DPYSL5: variants seen among roughly 807,000 people sequenced by gnomAD.
The protein encoded by DPYSL5 is dihydropyrimidinase like 5.
DPYSL5 carries 9 observed loss-of-function variants against 58.4 expected under a neutral mutation model. The observed-to-expected ratio is 0.15, with a 90% CI of 0.09 to 0.27. The LOEUF (loss-of-function observed/expected upper bound fraction) is 0.27. Among genes scored for constraint, DPYSL5 ranks in the 10% least tolerant of loss-of-function variants. The pLI is 1.00. For missense variants in DPYSL5, 499 were observed against 770.6 expected (o/e 0.65, Z 4.17); for synonymous variants, 293 against 301.9 (o/e 0.97, Z 0.31).
intron 6 of DPYSL5, among the ~76,000 whole-genome samples, chr2:26,932,133 GAAAGAGAAAGAAAGAAAGAA>G (rs1380283543): frequency 2.6e-5 from 3 of 114,800 alleles, no homozygotes; most frequent in African/African-American, 1.1e-4. Context: ...GAGAAAGAAA[GAAAGAGAAAGAAAGAAAGAA>G]AGAAAGAAAG....
chr2:26,947,996 G>A lies in DPYSL5; in HGVS notation c.*1001G>A, dbSNP rs1012309842. ...AGCCCCAGAGATGCCAGCCCTTCAG[G>A]AAGCAGGTGTCCTTTCCCCTCTCTG... is the stretch of plus-strand genomic sequence containing the variant. On this transcript the variant is annotated 3_prime_UTR_variant, in exon 13 of 13. Transcript: ENST00000288699. This position sits in a 1 kb window ranked among gnomAD's most constrained non-coding sequence, Gnocchi z 4.2. 3 of 152,264 alleles carry A rather than the reference G, an allele frequency of 2.0e-5. No individual in the cohort carries two copies. The highest frequency in any genetic ancestry group is 1.3e-4 in the Admixed American group (2 of 15,240). The allele number at this position is 152,264 out of a possible 1,614,324, so 9.4% of individuals were successfully genotyped here.
At position 26,927,708 on chromosome 2, in the gene DPYSL5, A is replaced by G. The variant is rs766939604; in HGVS notation, c.600+276A>G. ...AATGATATGAGATTTAAATTCCATT[A>G]TAGCAGAGAATTTGGAGCACCTCTC... On this transcript the variant is annotated intron_variant, in intron 4 of 12. Transcript: ENST00000288699. This position sits in a 1 kb window ranked among gnomAD's most constrained non-coding sequence, Gnocchi z 4.3. Among the ~76,000 whole-genome samples, 1 of 152,252 alleles carries G rather than the reference A, an allele frequency of 6.6e-6. No homozygotes were observed. Among genetic ancestry groups the G allele is most frequent in the Non-Finnish European group, 1.5e-5 (1 of 68,046 alleles).
intron 1 of DPYSL5, among the ~76,000 whole-genome samples, chr2:26,871,808 A>G (rs1043767739): frequency 6.6e-6 from 1 of 152,220 alleles, no homozygotes; most frequent in Non-Finnish European, 1.5e-5. Context: ...TTTGAAATTT[A>G]CTTAAATTTA....
intron 1 of DPYSL5, among the ~76,000 whole-genome samples, chr2:26,856,051 T>G (rs1400012372): frequency 6.6e-6 from 1 of 152,136 alleles, no homozygotes; most frequent in Non-Finnish European, 1.5e-5. Context: ...CAGTCACTTT[T>G]GGGGGGTACA....
At chr2:26,857,454 C>A (rs1293893105) in intron 1 of DPYSL5, among the ~76,000 whole-genome samples, 1 of 151,920 alleles carries the variant, frequency 6.6e-6, no homozygotes. Context: ...GCAGGAGAAT[C>A]GCTTGAACCC....
chr2:26,895,869 C>G (rs1471156101), intron 1 of DPYSL5, among the ~76,000 whole-genome samples: 1 of 150,286 alleles, frequency 6.7e-6, no homozygotes. Flanking sequence ...CAACCTCTGC[C>G]TCCCCGGTTT....
chr2:26,851,919 C>T (rs1366087306), intron 1 of DPYSL5, among the ~76,000 whole-genome samples: 1 of 151,994 alleles, frequency 6.6e-6, no homozygotes, highest in Non-Finnish European at 1.5e-5. Flanking sequence ...TGCACTCCAG[C>T]CTGGGCAACA....
At chr2:26,873,064 G>T (rs1397732425) in intron 1 of DPYSL5, among the ~76,000 whole-genome samples, 2 of 151,930 alleles carry the variant, frequency 1.3e-5, no homozygotes, top group African/African-American at 4.8e-5. Flanking sequence ...TTCCCCTTTT[G>T]TTTGAACTGC....
At position 26,942,523 on chromosome 2, in the gene DPYSL5, C is replaced by G. The variant is rs1175505569; in HGVS notation, c.1233-20C>G. 3.1e-6 allele frequency: 5 copies of G among 1,609,130 alleles called. No homozygotes were observed. In the South Asian group the frequency reaches 5.5e-5, roughly 18 times the overall value. On this transcript the variant is annotated intron_variant, in intron 10 of 12. Coordinates refer to ENST00000288699, the MANE Select transcript of DPYSL5 (RefSeq NM_020134.4). The surrounding 1 kb of genome is among the most constrained non-coding windows in gnomAD (Gnocchi z 5.9). ...GACCTGTCCTCAGCGCTTTCTCTCCCGCCATTGCCTCCCCACCAGGACCAT... is the reference window on the plus strand; with the variant it reads ...GACCTGTCCTCAGCGCTTTCTCTCCGGCCATTGCCTCCCCACCAGGACCAT...
At chr2:26,891,846 TA>T (rs1663887939) in intron 1 of DPYSL5, among the ~76,000 whole-genome samples, 1 of 152,076 alleles carries the variant, frequency 6.6e-6, no homozygotes, top group East Asian at 1.9e-4. Context: ...CTAATTTTTG[TA>T]ATTTTAGTAG....
chr2:26,894,007 T>A (rs1267848868), intron 1 of DPYSL5, among the ~76,000 whole-genome samples: 1 of 150,348 alleles, frequency 6.7e-6, no homozygotes, highest in African/African-American at 2.4e-5. Flanking sequence ...TCCTTATTAT[T>A]ATTATAAATC....
intron 2 of DPYSL5, among the ~76,000 whole-genome samples, chr2:26,913,030 A>G (rs983987671): frequency 6.6e-6 from 1 of 152,254 alleles, no homozygotes; most frequent in African/African-American, 2.4e-5. Flanking sequence ...TATCTGTAAA[A>G]TGAGAGGAGT....
chr2:26,919,786 T>C (rs985854882), intron 2 of DPYSL5, among the ~76,000 whole-genome samples: 2 of 152,226 alleles, frequency 1.3e-5, no homozygotes, highest in African/African-American at 2.4e-5. Flanking sequence ...TTCCTGGCAG[T>C]GTCCACCTAG....
At chr2:26,932,898 C>T (rs78410074) in intron 6 of DPYSL5, among the ~76,000 whole-genome samples, 4 of 152,182 alleles carry the variant, frequency 2.6e-5, no homozygotes, top group African/African-American at 9.7e-5. Flanking sequence ...TAGGTCATCA[C>T]GTTTATGAAC....
Position 26,928,704 on chromosome 2 carries a change from T to TACACACACACACACACAC in DPYSL5, c.669+394_669+395insCACACACACACACACACA, listed in dbSNP as rs1553320464. ...GTGATAGAGTATATATATATATATATACACACACACACATACATATATATA... is the reference window on the plus strand; with the variant it reads ...GTGATAGAGTATATATATATATATATACACACACACACACACACACACACACACACATACATATATATA... On this transcript the variant is annotated intron_variant, in intron 5 of 12. Coordinates refer to ENST00000288699, the MANE Select transcript of DPYSL5 (RefSeq NM_020134.4). Among the ~76,000 whole-genome samples, 25 of 62,978 alleles carry TACACACACACACACACAC rather than the reference T, an allele frequency of 4.0e-4. 1 individual carries two copies. The highest frequency in any genetic ancestry group is 5.7e-4 in the African/African-American group (9 of 15,882). The allele number at this position is 62,978 out of a possible 152,430, so 41.3% of individuals were successfully genotyped here. A position where few individuals can be genotyped will look rare whatever the true frequency, so the allele number is the denominator to read the frequency against.
At chr2:26,848,749 C>A (rs1413074624) in intron 1 of DPYSL5, among the ~76,000 whole-genome samples, 1 of 152,240 alleles carries the variant, frequency 6.6e-6, no homozygotes, top group Non-Finnish European at 1.5e-5. Context: ...GAGCTGGGAT[C>A]TGCCCAGCCT....
rs1164587515 is a variant in DPYSL5, at chr2:26,942,675, C to G, written c.1365C>G (p.Ala455=). 6.2e-7 allele frequency: 1 copy of G among 1,614,022 alleles called. No individual in the cohort carries two copies. The highest frequency in any genetic ancestry group is 8.5e-7 in the Non-Finnish European group (1 of 1,180,026). The change falls in exon 11 of 13, where the codon GCC becomes GCG. Residue 455 remains alanine (A), a synonymous_variant. Coordinates refer to ENST00000288699, the MANE Select transcript of DPYSL5 (RefSeq NM_020134.4). The surrounding 1 kb of genome is among the most constrained non-coding windows in gnomAD (Gnocchi z 5.9). ...ATGAGAACGGCGTCTTCATGTGCGC[C>G]GAGGGCACCGGCAAGTTCTGTCCCC... ...VVYENGVFMC[A]EGTGKFCPLR... is the part of the protein sequence containing the mutation.
chr2:26,892,665 T>TA lies in DPYSL5; in HGVS notation c.-4-5819dup, dbSNP rs564372676. On this transcript the variant is annotated intron_variant, in intron 1 of 12. Coordinates refer to ENST00000288699, the MANE Select transcript of DPYSL5 (RefSeq NM_020134.4). The stretch of plus-strand genomic sequence containing the variant: ...CAGCCTGGGCAATGACATAGAGAAC[T>TA]AAAAAAAAAAAACAAAAACAAAAAA... 2.2e-3 allele frequency among the ~76,000 whole-genome samples: 238 copies of TA among 108,728 alleles called. 2 individuals are homozygous for TA. Among genetic ancestry groups the TA allele is most frequent in the South Asian group, 0.016 (57 of 3,534 alleles). The allele number at this position is 108,728 out of a possible 152,430, so 71.3% of individuals were successfully genotyped here.
rs1558351300 is a variant in DPYSL5 at position 26,932,115 on chromosome 2, AAAAGAAAGAGAAAG to A, written c.714+455_714+468del. Among the ~76,000 whole-genome samples the A allele has an allele frequency of 1.3e-4, 18 of 142,036 alleles. 2 individuals are homozygous for A. The highest frequency in any genetic ancestry group is 6.6e-4 in the South Asian group (3 of 4,530). The allele number at this position is 142,036 out of a possible 152,430, so 93.2% of individuals were successfully genotyped here. A position where few individuals can be genotyped will look rare whatever the true frequency, so the allele number is the denominator to read the frequency against. On this transcript the variant is annotated intron_variant, in intron 6 of 12. Transcript: ENST00000288699. ...AAAGAAAGAGAAAGAAAGAAAAGAA[AAAAGAAAGAGAAAG>A]AAAGAAAGAGAAAGAAAGAAAGAAA...
Sources: gnomAD v4.1 joint callset for allele counts (sites outside exome capture counted in the v4.1 genomes callset) on GRCh38, gnomAD v4.1.1 for gene constraint, Gnocchi (gnomAD v3.1) non-coding constraint, MANE v1.5 for transcripts, NCBI Gene and HGNC (gene_info 2026-07-23, HGNC 2026-07-21) for gene names.